Variants in USP32 observed in about 807,000 individuals in gnomAD.
The protein encoded by USP32 is ubiquitin carboxyl-terminal hydrolase 32.
USP32 carries 59 observed loss-of-function variants against 204.8 expected under a neutral mutation model. The ratio of observed to expected loss-of-function variants is 0.29; its 90% CI spans 0.23 to 0.36. USP32 has a LOEUF of 0.36. Among genes scored for constraint, USP32 ranks in the 10% least tolerant of loss-of-function variants. USP32 has a pLI of 1.00. For missense variants in USP32, 1,160 were observed against 1,946.4 expected (o/e 0.60, Z 7.60); for synonymous variants, 517 against 678.4 (o/e 0.76, Z 3.70).
intron 11 of USP32, chr17:60,249,065 T>C (rs1006636531): frequency 6.7e-6 from 1 of 148,400 alleles, no homozygotes; most frequent in African/African-American, 2.6e-5. Flanking sequence ...TTCTTTTTTA[T>C]TATCTGTTTT....
chr17:60,393,790 C>T (rs1445654969), upstream of USP32, among the ~76,000 whole-genome samples: 5 of 152,002 alleles, frequency 3.3e-5, no homozygotes, highest in East Asian at 9.7e-4. Flanking sequence ...GTTCAAGCGA[C>T]TCTCCTGCCT....
chr17:60,295,189 G>A (rs1027736119), intron 3 of USP32, among the ~76,000 whole-genome samples: 1 of 150,548 alleles, frequency 6.6e-6, no homozygotes, highest in Admixed American at 6.6e-5. Flanking sequence ...TGAAACCTGC[G>A]TACAAAATAC....
intron 28 of USP32, among the ~76,000 whole-genome samples, chr17:60,191,852 C>CT (rs2084390446): frequency 6.6e-6 from 1 of 152,138 alleles, no homozygotes; most frequent in Non-Finnish European, 1.5e-5. Context: ...TTGCAGTTCT[C>CT]TAAAGGCGGA....
In USP32 at chr17:60,234,889, A is replaced by T. The variant is rs566546450; in HGVS notation, c.1239+1249T>A. Among the ~76,000 whole-genome samples the T allele has an allele frequency of 1.3e-4, 20 of 152,230 alleles. No homozygotes were observed. In the East Asian group the frequency reaches 2.9e-3, roughly 22 times the overall value. On this transcript the variant is annotated intron_variant, in intron 12 of 33. Coordinates refer to ENST00000300896, the MANE Select transcript of USP32 (RefSeq NM_032582.4). ...GACTTCATTCTTAAGTAAATTTTAA[A>T]GTTTGCATTTGACAGACGCATGCTA...
intron 2 of USP32, among the ~76,000 whole-genome samples, chr17:60,342,496 G>T (rs1396387642): frequency 1.3e-5 from 2 of 152,324 alleles, no homozygotes; most frequent in South Asian, 2.1e-4. Flanking sequence ...TGCAGAAGTT[G>T]TCTGCTGCAT....
chr17:60,367,322 A>G (rs1028268392), intron 1 of USP32, among the ~76,000 whole-genome samples: 4 of 152,140 alleles, frequency 2.6e-5, no homozygotes, highest in African/African-American at 9.7e-5. Context: ...AGCTTAGGCA[A>G]TATAATGAGA....
intron 4 of USP32, among the ~76,000 whole-genome samples, chr17:60,293,533 C>T (rs1203597923): frequency 7.9e-5 from 12 of 152,168 alleles, no homozygotes; most frequent in Admixed American, 7.9e-4. Context: ...CATCCTTTTG[C>T]ACCTGACACT....
chr17:60,336,715 C>CAA (rs573590957), intron 2 of USP32, among the ~76,000 whole-genome samples: 1,286 of 71,440 alleles, frequency 0.018, 19 homozygotes, highest in African/African-American at 0.033. Flanking sequence ...GACTCCATCT[C>CAA]AAAAAAAAAA....
At chr17:60,402,598 G>A (rs565030308) in intron 1 of USP32, among the ~76,000 whole-genome samples, 9 of 152,194 alleles carry the variant, frequency 5.9e-5, no homozygotes, top group South Asian at 2.1e-4. Context: ...TCAGAATCAC[G>A]TTCCAGCACA....
chr17:60,284,641 T>TAA (rs56878182), intron 5 of USP32, among the ~76,000 whole-genome samples: 3,276 of 152,334 alleles, frequency 0.022, 136 homozygotes, highest in African/African-American at 0.075. Context: ...ATTTGACTGA[T>TAA]TAAATAAATT....
chr17:60,392,183 TCTC>T (rs1473188687), upstream of USP32: 2 of 475,212 alleles, frequency 4.2e-6, no homozygotes, highest in Non-Finnish European at 7.5e-6. Flanking sequence ...CGCCCTTCTC[TCTC>T]CTCTCTCTCC....
intron 2 of USP32, among the ~76,000 whole-genome samples, chr17:60,318,793 CAT>C (rs1445927734): frequency 6.6e-6 from 1 of 152,164 alleles, no homozygotes; most frequent in Non-Finnish European, 1.5e-5. Flanking sequence ...TAACATCCAA[CAT>C]TTAGCAAGAT....
intron 1 of USP32, among the ~76,000 whole-genome samples, chr17:60,363,775 A>T (rs369051446): frequency 3.1e-4 from 47 of 151,938 alleles, no homozygotes; most frequent in African/African-American, 1.0e-3. Context: ...CTGAGATTAT[A>T]CACGTGAGCC....
intron 11 of USP32, among the ~76,000 whole-genome samples, chr17:60,250,761 G>C (rs568412475): frequency 6.3e-4 from 95 of 151,990 alleles, no homozygotes; most frequent in Non-Finnish European, 2.9e-5. Context: ...AGACCAGCCT[G>C]GGCAATACAG....
rs147965535 is a variant in USP32 at position 60,367,049 on chromosome 17, A to G, written c.59-21441T>C. Among the ~76,000 whole-genome samples the G allele has an allele frequency of 2.1e-3, 315 of 152,172 alleles. 12 individuals are homozygous for G. In the East Asian group the frequency reaches 0.057, roughly 28 times the overall value. On this transcript the variant is annotated intron_variant, in intron 1 of 33. Transcript: ENST00000300896. ...TCACCGTGTTAGCCAGGATGGTCTCAATCTCCTGACCTTGTGATCCGCCCC... is the reference window on the plus strand; with the variant it reads ...TCACCGTGTTAGCCAGGATGGTCTCGATCTCCTGACCTTGTGATCCGCCCC...
rs544933942 is a variant in USP32 at position 60,387,247 on chromosome 17, G to C, written c.58+4635C>G. On this transcript the variant is annotated intron_variant, in intron 1 of 33. Transcript: ENST00000300896. ...TGAGAAATTGGTGAACAAAATCTTA[G>C]TTGGGAGTCAATGTTTTAAAGCATC... 8.5e-5 allele frequency among the ~76,000 whole-genome samples: 13 copies of C among 152,290 alleles called. No individual in the cohort carries two copies. In the South Asian group the frequency reaches 2.7e-3, roughly 32 times the overall value.
At position 60,185,655 on chromosome 17, in the gene USP32, C is replaced by G; in HGVS notation, c.3643-4G>C. 6.2e-7 allele frequency: 1 copy of G among 1,607,430 alleles called. No homozygotes were observed. Among genetic ancestry groups the G allele is most frequent in the Non-Finnish European group, 8.5e-7 (1 of 1,176,190 alleles). ...CACTCTCATGCTCATCTACAACCTG[C>G]AGGTAGAGGGAACAGGAGGAAAGGG... On this transcript the variant is annotated splice_region_variant and splice_polypyrimidine_tract_variant and intron_variant, in intron 29 of 33. Transcript: ENST00000300896.
chr17:60,367,551 C>T (rs972731342), intron 1 of USP32, among the ~76,000 whole-genome samples: 1 of 152,206 alleles, frequency 6.6e-6, no homozygotes, highest in Non-Finnish European at 1.5e-5. Flanking sequence ...AGGCTCAAAC[C>T]TGTAATCCCA....
chr17:60,200,229 G>A (rs2145449095), intron 26 of USP32, among the ~76,000 whole-genome samples: 1 of 151,576 alleles, frequency 6.6e-6, no homozygotes, highest in African/African-American at 2.4e-5. Flanking sequence ...TTAAGCCAAG[G>A]GCTACTAATG....
Sources: gnomAD v4.1 joint callset for allele counts (sites outside exome capture counted in the v4.1 genomes callset) on GRCh38, gnomAD v4.1.1 for gene constraint, MANE v1.5 for transcripts, NCBI Gene and HGNC (gene_info 2026-07-23, HGNC 2026-07-21) for gene names.